EYS: variants seen among roughly 807,000 people sequenced by gnomAD.
EYS encodes the protein EGF-like photoreceptor maintenance factor.
Under a neutral mutation model 282.1 loss-of-function variants are expected in EYS, and 250 were observed. That is an observed-to-expected ratio of 0.89 (90% confidence interval 0.80 to 0.98). The LOEUF is 0.98. Ranked by LOEUF, EYS falls within the 50% of genes least tolerant of loss-of-function variation. EYS has a pLI of 0.00. For synonymous variants in EYS, 1,355 were observed against 1,282.9 expected (o/e 1.06, Z -1.20); for missense variants, 4,016 against 3,709.0 (o/e 1.08, Z -2.15).
At chr6:65,139,211 G>T (rs1371609146) in intron 12 of EYS, among the ~76,000 whole-genome samples, 1 of 151,980 alleles carries the variant, frequency 6.6e-6, no homozygotes, top group Admixed American at 6.6e-5. Flanking sequence ...ACTAGATAAA[G>T]AAAATGTGGT....
chr6:64,680,174 A>G (rs1243930474), intron 22 of EYS, among the ~76,000 whole-genome samples: 2 of 152,196 alleles, frequency 1.3e-5, no homozygotes, highest in Non-Finnish European at 2.9e-5. Context: ...GCCAAAAGTG[A>G]GTGATGAAGA....
intron 31 of EYS, among the ~76,000 whole-genome samples, chr6:64,155,464 C>G (rs577057330): frequency 6.6e-6 from 1 of 151,964 alleles, no homozygotes; most frequent in East Asian, 1.9e-4. Context: ...GCACCAGGCT[C>G]TGTGGACCCA....
At chr6:64,874,675 A>G (rs1488028970) in intron 19 of EYS, among the ~76,000 whole-genome samples, 3 of 152,076 alleles carry the variant, frequency 2.0e-5, no homozygotes, top group African/African-American at 7.2e-5. Context: ...CTATTTGGGC[A>G]ATGACTAAAT....
chr6:64,069,993 C>T (rs1293146693), intron 32 of EYS, among the ~76,000 whole-genome samples: 1 of 151,936 alleles, frequency 6.6e-6, no homozygotes, highest in Non-Finnish European at 1.5e-5. Context: ...TAGGAGACAG[C>T]TGGATTATTA....
At chr6:64,285,156 A>G (rs1768450952) in intron 30 of EYS, among the ~76,000 whole-genome samples, 2 of 152,136 alleles carry the variant, frequency 1.3e-5, no homozygotes, top group South Asian at 4.1e-4. Context: ...TTAAAACTGA[A>G]TTCCTTTAAC....
intron 26 of EYS, among the ~76,000 whole-genome samples, chr6:64,532,625 C>T (rs1322579853): frequency 1.3e-5 from 2 of 152,066 alleles, no homozygotes; most frequent in African/African-American, 2.4e-5. Flanking sequence ...AGGAGAAAGG[C>T]GTGAACCCGG....
At chr6:64,996,876 T>C (rs898416105) in intron 14 of EYS, among the ~76,000 whole-genome samples, 1 of 152,210 alleles carries the variant, frequency 6.6e-6, no homozygotes, top group Non-Finnish European at 1.5e-5. Flanking sequence ...AAATATCAGT[T>C]CTGTTGTTAA....
At position 65,003,533 on chromosome 6, in the gene EYS, T is replaced by A. The variant is rs573573422; in HGVS notation, c.2138-5830A>T. On this transcript the variant is annotated intron_variant, in intron 13 of 42. Coordinates refer to ENST00000503581, the MANE Select transcript of EYS (RefSeq NM_001142800.2). Reference sequence around the variant, plus strand: ...TTCTATTACCTTGTAAAGTACTTGATGTCTGTGACCCACACCTATTCGCAC... The same window carrying A: ...TTCTATTACCTTGTAAAGTACTTGAAGTCTGTGACCCACACCTATTCGCAC... 2.0e-5 allele frequency among the ~76,000 whole-genome samples: 3 copies of A among 147,604 alleles called. No individual in the cohort carries two copies. The East Asian group carries it at 6.4e-4, about 32-fold the overall frequency.
At chr6:65,260,989 A>T (rs910424207) in intron 12 of EYS, among the ~76,000 whole-genome samples, 5 of 152,076 alleles carry the variant, frequency 3.3e-5, no homozygotes, top group African/African-American at 1.2e-4. Flanking sequence ...CTTTTACTTA[A>T]TCTAGGTCTC....
intron 29 of EYS, among the ~76,000 whole-genome samples, chr6:64,333,706 C>T (rs553300018): frequency 6.6e-6 from 1 of 152,218 alleles, no homozygotes; most frequent in East Asian, 1.9e-4. Flanking sequence ...ACCCAAAGGA[C>T]CCAAGTTTAA....
intron 41 of EYS, among the ~76,000 whole-genome samples, chr6:63,755,620 T>A (rs556157953): frequency 4.6e-5 from 7 of 152,350 alleles, no homozygotes; most frequent in Admixed American, 4.6e-4. Context: ...CGAGCTCTTT[T>A]TTGGTTCCCT....
At chr6:65,404,542 A>G (rs1049206996) in intron 6 of EYS, among the ~76,000 whole-genome samples, 2 of 152,012 alleles carry the variant, frequency 1.3e-5, no homozygotes, top group African/African-American at 2.4e-5. Flanking sequence ...GGTCTAGTAT[A>G]TGGTACATTG....
intron 15 of EYS, among the ~76,000 whole-genome samples, chr6:64,937,910 C>T (rs1178925443): frequency 6.6e-6 from 1 of 151,418 alleles, no homozygotes; most frequent in Admixed American, 6.6e-5. Flanking sequence ...AACAAATTTG[C>T]TGTAACTTTA....
At chr6:65,045,849 C>A (rs933730090) in intron 13 of EYS, among the ~76,000 whole-genome samples, 1 of 151,846 alleles carries the variant, frequency 6.6e-6, no homozygotes, top group African/African-American at 2.4e-5. Flanking sequence ...TAGAATTTAA[C>A]AATTAGGGTT....
chr6:64,591,164 C>A lies in EYS; in HGVS notation c.4703G>T (p.Arg1568Leu), dbSNP rs1326064456. 1 of 1,551,116 alleles carries A rather than the reference C, an allele frequency of 6.4e-7. No individual in the cohort carries two copies. Among genetic ancestry groups the A allele is most frequent in the Non-Finnish European group, 8.7e-7 (1 of 1,146,752 alleles). ...ATGCAAAACTTGATCTGAGAATTCACGAGAGGATTTTATTTCAGTCATAGA... is the reference window on the plus strand; with the variant it reads ...ATGCAAAACTTGATCTGAGAATTCAAGAGAGGATTTTATTTCAGTCATAGA... ...TCSMTEIKSS[R>L]EFSDQVLHSK... Residue 1568 changes from arginine to leucine, a missense_variant, in exon 26 of 43, where the codon CGT (arginine) becomes CTT (leucine). Physicochemically the swap from Arg to Leu is moderately radical, Grantham distance 102. Transcript: ENST00000503581.
At chr6:65,405,448 T>A in intron 5 of EYS, 81 bp from the exon 6 acceptor site, 1 of 1,108,146 alleles carries the variant, frequency 9.0e-7, no homozygotes, top group Admixed American at 2.1e-5. Context: ...AGCAAAACAT[T>A]CTAGAAAATT....
At chr6:64,772,124 T>C (rs939800806) in intron 22 of EYS, among the ~76,000 whole-genome samples, 10 of 151,894 alleles carry the variant, frequency 6.6e-5, no homozygotes, top group African/African-American at 1.7e-4. Flanking sequence ...AAAATATATC[T>C]TTATTCATCT....
Position 65,321,356 on chromosome 6 carries a change from T to C in EYS, c.1766+13624A>G, listed in dbSNP as rs1308944616. 2.0e-5 allele frequency among the ~76,000 whole-genome samples: 3 copies of C among 151,984 alleles called. No homozygotes were observed. The East Asian group carries it at 5.8e-4, about 29-fold the overall frequency. ...GGGTTGCAGTTGGAGGGAAAAAATG[T>C]ACTTGCTATTTTTCAAAAAAGAGTT... is the stretch of plus-strand genomic sequence containing the variant. On this transcript the variant is annotated intron_variant, in intron 11 of 42. Transcript: ENST00000503581.
rs149056283 is a variant in EYS at position 65,358,233 on chromosome 6, T to C, written c.1300-4616A>G. On this transcript the variant is annotated intron_variant, in intron 8 of 42. Transcript: ENST00000503581. ...TACTATTTCCCATTTAATTCATAGATTAGGTGACAAATATTTAACAGAAAA... is the reference window on the plus strand; with the variant it reads ...TACTATTTCCCATTTAATTCATAGACTAGGTGACAAATATTTAACAGAAAA... 3.7e-3 allele frequency among the ~76,000 whole-genome samples: 558 copies of C among 152,090 alleles called. 2 individuals are homozygous for C. The highest frequency in any genetic ancestry group is 0.01 in the Middle Eastern group (3 of 294).
Sources: gnomAD v4.1 joint callset for allele counts (sites outside exome capture counted in the v4.1 genomes callset) on GRCh38, gnomAD v4.1.1 for gene constraint, MANE v1.5 for transcripts, NCBI Gene and HGNC (gene_info 2026-07-23, HGNC 2026-07-21) for gene names.